LRMDA: variants seen among roughly 807,000 people sequenced by gnomAD.
LRMDA encodes the protein leucine-rich melanocyte differentiation-associated protein.
LRMDA carries 18 observed loss-of-function variants against 29.8 expected under a neutral mutation model. The ratio of observed to expected loss-of-function variants is 0.60; its 90% CI spans 0.42 to 0.90. LRMDA has a LOEUF of 0.90. Ranked by LOEUF, LRMDA falls within the 40% of genes least tolerant of loss-of-function variation. The pLI is 0.00. For missense variants in LRMDA, 273 were observed against 273.9 expected, an observed-to-expected ratio of 1.00 and a Z score of 0.02; for synonymous variants, 125 against 109.4, an observed-to-expected ratio of 1.14 and a Z score of -0.89.
chr10:75,467,109 G>A (rs1173133151), intron 2 of LRMDA, among the ~76,000 whole-genome samples: 1 of 152,170 alleles, frequency 6.6e-6, no homozygotes, highest in African/African-American at 2.4e-5. Flanking sequence ...GACATCCTGA[G>A]GGATGCATCA....
At chr10:75,965,604 A>G (rs548677301) in intron 2 of LRMDA, among the ~76,000 whole-genome samples, 2 of 152,200 alleles carry the variant, frequency 1.3e-5, no homozygotes, top group Admixed American at 6.5e-5. Flanking sequence ...AGAAAAAAAA[A>G]CCAAAACTCT....
Position 75,692,223 on chromosome 10 carries a change from TATATATATATATATATATATATATAC to T in LRMDA, c.131+253740_131+253765del, listed in dbSNP as rs1320135927. On this transcript the variant is annotated intron_variant, in intron 2 of 6. Transcript: ENST00000611255. ...TCTCTGGGGGGAAAAAAAAAAAATA[TATATATATATATATATATATATATAC>T]ATATATATATTTTATATAAATATAT... is the stretch of plus-strand genomic sequence containing the variant. 4.9e-3 allele frequency among the ~76,000 whole-genome samples: 102 copies of T among 20,726 alleles called. 1 individual carries two copies. In the South Asian group the frequency reaches 0.14, roughly 29 times the overall value. The allele number at this position is 20,726 out of a possible 152,430, so 13.6% of individuals were successfully genotyped here.
At chr10:76,231,698 G>A (rs896062956) in intron 5 of LRMDA, among the ~76,000 whole-genome samples, 1 of 152,120 alleles carries the variant, frequency 6.6e-6, no homozygotes, top group Non-Finnish European at 1.5e-5. Flanking sequence ...CTTTGCTAGT[G>A]GAGATATCAC....
chr10:76,210,810 G>A (rs1369723522), intron 5 of LRMDA, among the ~76,000 whole-genome samples: 2 of 152,166 alleles, frequency 1.3e-5, no homozygotes, highest in Non-Finnish European at 2.9e-5. Flanking sequence ...ATCAAACTTT[G>A]TTCTCCTGGA....
intron 4 of LRMDA, among the ~76,000 whole-genome samples, chr10:76,056,372 A>G (rs893054369): frequency 2.6e-5 from 4 of 152,192 alleles, no homozygotes; most frequent in Non-Finnish European, 2.9e-5. Flanking sequence ...CCCAGCCCCT[A>G]TGCTTTAGGC....
intron 2 of LRMDA, among the ~76,000 whole-genome samples, chr10:75,582,895 C>T (rs770771548): frequency 1.3e-5 from 2 of 152,182 alleles, no homozygotes; most frequent in Admixed American, 6.5e-5. Context: ...TTTCATCTGT[C>T]AGATACCCTA....
intron 5 of LRMDA, among the ~76,000 whole-genome samples, chr10:76,151,714 C>T (rs926240961): frequency 1.3e-5 from 2 of 152,124 alleles, no homozygotes; most frequent in African/African-American, 4.8e-5. Context: ...TTTTTTCCTG[C>T]TGATACATGA....
chr10:76,026,749 G>A (rs2132497096), intron 2 of LRMDA, among the ~76,000 whole-genome samples: 1 of 152,224 alleles, frequency 6.6e-6, no homozygotes, highest in East Asian at 1.9e-4. Context: ...TGACTTAACA[G>A]CCCTTATAAA....
At chr10:76,175,273 A>G (rs10824379) in intron 5 of LRMDA, among the ~76,000 whole-genome samples, 60,152 of 151,990 alleles carry the variant, frequency 0.4, 14,682 homozygotes, top group East Asian at 0.77. Context: ...CTGGATGAGG[A>G]TAGCTTGGAT....
chr10:75,470,119 T>G (rs926844646), intron 2 of LRMDA, among the ~76,000 whole-genome samples: 1 of 152,212 alleles, frequency 6.6e-6, no homozygotes, highest in African/African-American at 2.4e-5. Flanking sequence ...GAGGACCAGG[T>G]CAGAAACCCT....
chr10:76,127,959 TAAAA>T (rs990841844), intron 5 of LRMDA, among the ~76,000 whole-genome samples: 1 of 150,956 alleles, frequency 6.6e-6, no homozygotes, highest in African/African-American at 2.4e-5. Context: ...TTAACCAACT[TAAAA>T]AAAAACAACA....
At chr10:76,211,038 G>A (rs1382758721) in intron 5 of LRMDA, among the ~76,000 whole-genome samples, 1 of 152,184 alleles carries the variant, frequency 6.6e-6, no homozygotes, top group East Asian at 1.9e-4. Context: ...GGTTTCCATT[G>A]GTCCAACACT....
intron 2 of LRMDA, among the ~76,000 whole-genome samples, chr10:75,554,663 G>A (rs1396098796): frequency 6.6e-6 from 1 of 152,192 alleles, no homozygotes; most frequent in Admixed American, 6.5e-5. Flanking sequence ...TAAAGACGTT[G>A]AAAGTGGGAT....
rs563312117 is a variant in LRMDA at position 75,542,770 on chromosome 10, G to A, written c.131+104276G>A. Among the ~76,000 whole-genome samples, 3 of 152,286 alleles carry A rather than the reference G, an allele frequency of 2.0e-5. No homozygotes were observed. The South Asian group carries it at 6.2e-4, about 32-fold the overall frequency. ...GATGACAGCCAGCGTCATGTCATAT[G>A]GGAGACACATGCAGGCCTGACTTGA... is the stretch of plus-strand genomic sequence containing the variant. On this transcript the variant is annotated intron_variant, in intron 2 of 6. Coordinates refer to ENST00000611255, the MANE Select transcript of LRMDA (RefSeq NM_001305581.2).
intron 6 of LRMDA, among the ~76,000 whole-genome samples, chr10:76,331,878 G>T (rs1004727945): frequency 6.6e-6 from 1 of 152,112 alleles, no homozygotes; most frequent in Non-Finnish European, 1.5e-5. Context: ...TTTAATCGAG[G>T]TGACTAGTGA....
intron 5 of LRMDA, among the ~76,000 whole-genome samples, chr10:76,239,044 G>A (rs960802011): frequency 6.6e-6 from 1 of 152,126 alleles, no homozygotes; most frequent in African/African-American, 2.4e-5. Flanking sequence ...CTCCCAGGGG[G>A]CCATGTTGGC....
intron 2 of LRMDA, among the ~76,000 whole-genome samples, chr10:75,619,729 G>A (rs538259214): frequency 6.6e-6 from 1 of 152,144 alleles, no homozygotes; most frequent in Non-Finnish European, 1.5e-5. Flanking sequence ...CAAGCTGTGG[G>A]GAGGCAGCGT....
Position 75,945,890 on chromosome 10 carries a change from G to C in LRMDA, c.132-90118G>C, listed in dbSNP as rs550268304. 2.6e-5 allele frequency among the ~76,000 whole-genome samples: 4 copies of C among 152,132 alleles called. No individual in the cohort carries two copies. The South Asian group carries it at 8.4e-4, about 32-fold the overall frequency. ...GAGATGGGGAAATAAGTTCAGAGAG[G>C]GGATGTGACTTCTCTGAGGCCATCT... On this transcript the variant is annotated intron_variant, in intron 2 of 6. Transcript: ENST00000611255.
At chr10:76,483,894 G>A (rs2579724) in intron 6 of LRMDA, among the ~76,000 whole-genome samples, 110,863 of 151,652 alleles carry the variant, frequency 0.73, 41,269 homozygotes, top group Non-Finnish European at 0.81. Context: ...TTGGAAAAAA[G>A]TTCCATTTGC....
Sources: gnomAD v4.1 joint callset for allele counts (sites outside exome capture counted in the v4.1 genomes callset) on GRCh38, gnomAD v4.1.1 for gene constraint, MANE v1.5 for transcripts, NCBI Gene and HGNC (gene_info 2026-07-23, HGNC 2026-07-21) for gene names.